AFDN: variants seen among roughly 807,000 people sequenced by gnomAD.
AFDN encodes the protein afadin, adherens junction formation factor.
In AFDN, 68 loss-of-function variants were observed where a neutral mutation model predicts 216.6. The ratio of observed to expected loss-of-function variants is 0.31; its 90% confidence interval spans 0.26 to 0.38. The LOEUF (loss-of-function observed/expected upper bound fraction) is 0.38. AFDN is among the 10% of genes least tolerant of loss of function. The probability of loss-of-function intolerance (pLI) is 1.00; values close to 1 mark genes in which losing one functional copy is unlikely to be tolerated. For synonymous variants in AFDN, 868 were observed against 853.7 expected (o/e 1.02, Z -0.29); for missense variants, 2,136 against 2,342.0 (o/e 0.91, Z 1.82).
At chr6:167,954,644 C>G (rs1199310695) in intron 30 of AFDN, among the ~76,000 whole-genome samples, 5 of 152,072 alleles carry the variant, frequency 3.3e-5, no homozygotes, top group Non-Finnish European at 7.4e-5. Context: ...TAGAAGCATG[C>G]CTTTGAATGT....
At chr6:167,883,445 A>G (rs889983733) in intron 6 of AFDN, among the ~76,000 whole-genome samples, 2 of 152,196 alleles carry the variant, frequency 1.3e-5, no homozygotes, top group African/African-American at 2.4e-5. Context: ...TCTACCACTC[A>G]GTGACGTGTT....
intron 6 of AFDN, among the ~76,000 whole-genome samples, chr6:167,886,481 G>A (rs1412873347): frequency 6.6e-6 from 1 of 152,170 alleles, no homozygotes; most frequent in African/African-American, 2.4e-5. Context: ...ACCTGAGCTG[G>A]AGGGTGTTGT....
chr6:167,835,252 C>T (rs1040176951), intron 1 of AFDN, among the ~76,000 whole-genome samples: 1 of 152,168 alleles, frequency 6.6e-6, no homozygotes, highest in Admixed American at 6.5e-5. Flanking sequence ...CATTTCAGAG[C>T]TCAAATTTTA....
chr6:167,907,106 G>A (rs1282591424), intron 12 of AFDN, 65 bp from the exon 13 acceptor site: 5 of 1,197,298 alleles, frequency 4.2e-6, no homozygotes, highest in South Asian at 1.3e-5. Context: ...TGCTTGCAAC[G>A]CTGAGTGTCA....
chr6:167,922,140 G>C (rs189362460), intron 21 of AFDN, among the ~76,000 whole-genome samples: 63 of 152,330 alleles, frequency 4.1e-4, no homozygotes, highest in Non-Finnish European at 8.8e-5. Flanking sequence ...CCGTGTGATA[G>C]ATAGGAGTTG....
At position 167,951,512 on chromosome 6, in the gene AFDN, C is replaced by T. The variant is rs114383783; in HGVS notation, c.4158C>T (p.Phe1386=). ...CTCCAGTCCACTATGCCGGTGATTT[C>T]GATGGAATGTCCATGGATTTGCCTC... ...PPPPVHYAGD[F]DGMSMDLPLP... is the part of the protein sequence containing the mutation. The change falls in exon 30 of 34, where the codon TTC becomes TTT. Residue 1386 remains phenylalanine, a synonymous_variant. Coordinates refer to ENST00000683244, the MANE Select transcript of AFDN (RefSeq NM_001386888.1). This position sits in a 1 kb window ranked among gnomAD's most constrained non-coding sequence, Gnocchi z 7.1. 7.3e-4 allele frequency: 1,181 copies of T among 1,613,924 alleles called. 6 individuals carry two copies. In the African/African-American group the frequency reaches 0.013, roughly 18 times the overall value.
At chr6:167,832,110 A>G (rs1217703564) in intron 1 of AFDN, among the ~76,000 whole-genome samples, 1 of 152,226 alleles carries the variant, frequency 6.6e-6, no homozygotes, top group African/African-American at 2.4e-5. Flanking sequence ...GGATATACCC[A>G]TTCACCTTGT....
intron 8 of AFDN, among the ~76,000 whole-genome samples, chr6:167,892,598 A>G (rs975001678): frequency 1.3e-5 from 2 of 152,200 alleles, no homozygotes; most frequent in South Asian, 2.1e-4. Flanking sequence ...TTATTTTGGT[A>G]GATAGCAGAG....
At chr6:167,835,390 T>C (rs986109572) in intron 1 of AFDN, among the ~76,000 whole-genome samples, 2 of 152,236 alleles carry the variant, frequency 1.3e-5, no homozygotes, top group Non-Finnish European at 2.9e-5. Context: ...AAAATGGTGT[T>C]CCATGAAAGA....
At position 167,968,926 on chromosome 6, in the gene AFDN, G is replaced by T. The variant is rs114173143; in HGVS notation, c.5258-188G>T. 1,445 of 568,442 alleles carry T rather than the reference G, an allele frequency of 2.5e-3. 27 individuals are homozygous for T. Among genetic ancestry groups the T allele is most frequent in the African/African-American group, 0.025 (1,342 of 53,090 alleles). 35.2% of individuals were successfully genotyped at this position (568,442 alleles called of 1,614,324 possible). ...TAGCACCTTTTGAGAGTAGTAATTGGATTACTCAGGCCACCAACAGGGATG... is the reference window on the plus strand; with the variant it reads ...TAGCACCTTTTGAGAGTAGTAATTGTATTACTCAGGCCACCAACAGGGATG... On this transcript the variant is annotated intron_variant, in intron 32 of 33. Coordinates refer to ENST00000683244, the MANE Select transcript of AFDN (RefSeq NM_001386888.1).
At chr6:167,908,446 T>C (rs2128442056) in intron 13 of AFDN, among the ~76,000 whole-genome samples, 1 of 152,320 alleles carries the variant, frequency 6.6e-6, no homozygotes. Context: ...TTACTTTCCG[T>C]GTTTGTACTT....
chr6:167,948,515 C>T, intron 29 of AFDN, 37 bp downstream of exon 29: 3 of 1,578,004 alleles, frequency 1.9e-6, no homozygotes, highest in Non-Finnish European at 2.6e-6. Flanking sequence ...TTTCTCACCT[C>T]TCAAGGAGGA....
Position 167,962,521 on chromosome 6 carries a change from G to A in AFDN, c.4922G>A (p.Arg1641His), listed in dbSNP as rs745994107. 4 of 1,613,772 alleles carry A rather than the reference G, an allele frequency of 2.5e-6. No individual in the cohort carries two copies. Among genetic ancestry groups the A allele is most frequent in the East Asian group, 2.2e-5 (1 of 44,896 alleles). Residue 1641 changes from arginine to histidine, a missense_variant, in exon 31 of 34, where the codon CGC (arginine) becomes CAC (histidine). By Grantham distance (29) the Arg-to-His change is conservative (BLOSUM62 0). Around this residue, in one of 8 missense-constraint regions of AFDN, gnomAD observed 981 missense variants for 966.0 expected, o/e 1.02. Transcript: ENST00000683244. This position sits in a 1 kb window ranked among gnomAD's most constrained non-coding sequence, Gnocchi z 5.2. ...GACCGAGCGAGGCAAGAGGAAGAGC[G>A]CCGGCGGCAGGAGGAGGAGCGAACA... The part of the protein sequence containing the change: ...AEDRARQEEE[R>H]RRQEEERTKR...
intron 31 of AFDN, chr6:167,963,022 T>C (rs184568902): frequency 1.6e-5 from 17 of 1,080,364 alleles, no homozygotes; most frequent in Middle Eastern, 8.2e-4. Context: ...AATCACTCAC[T>C]TCTGGTTGAT....
At chr6:167,913,842 C>G (rs1361366802) in intron 16 of AFDN, 1 of 423,924 alleles carries the variant, frequency 2.4e-6, no homozygotes, top group Non-Finnish European at 4.2e-6. Context: ...GTATACTGCA[C>G]AGACTACCAG....
chr6:167,927,757 C>G (rs916834524), intron 23 of AFDN, among the ~76,000 whole-genome samples: 2 of 152,202 alleles, frequency 1.3e-5, no homozygotes, highest in African/African-American at 4.8e-5. Flanking sequence ...TCTGCTTACT[C>G]CTGGTAAGGG....
intron 13 of AFDN, among the ~76,000 whole-genome samples, chr6:167,909,506 A>G (rs80080998): frequency 0.041 from 6,206 of 152,182 alleles, 200 homozygotes; most frequent in African/African-American, 0.078. Context: ...TTTATTATCT[A>G]TATTAACTTA....
intron 6 of AFDN, among the ~76,000 whole-genome samples, chr6:167,887,616 C>T (rs1022924498): frequency 4.0e-5 from 6 of 151,872 alleles, no homozygotes; most frequent in Admixed American, 2.6e-4. Context: ...CTGCCATGTC[C>T]GGCTAATTTT....
At chr6:167,961,232 C>G (rs1025495035) in intron 30 of AFDN, among the ~76,000 whole-genome samples, 10 of 152,136 alleles carry the variant, frequency 6.6e-5, no homozygotes, top group Non-Finnish European at 1.3e-4. Context: ...AACTAGATGG[C>G]TTTAAGTTTC....
Sources: allele counts gnomAD v4.1 joint callset (sites outside exome capture counted in the v4.1 genomes callset), GRCh38; gene constraint gnomAD v4.1.1; regional missense constraint gnomAD v4.1.1; non-coding constraint Gnocchi (gnomAD v3.1); transcripts MANE v1.5; gene names NCBI Gene and HGNC (gene_info 2026-07-23, HGNC 2026-07-21).